SEMA5A: variants seen among roughly 807,000 people sequenced by gnomAD.
The protein encoded by SEMA5A is semaphorin-5A.
A neutral mutation model predicts 135.5 loss-of-function variants in SEMA5A; 55 were observed. That is an observed-to-expected ratio of 0.41 (90% confidence interval 0.33 to 0.51). The LOEUF is 0.51. Among genes scored for constraint, SEMA5A ranks in the 20% least tolerant of loss-of-function variants. The pLI, the probability that SEMA5A is intolerant of heterozygous loss-of-function variation, is 0.37. For missense variants in SEMA5A, 1,290 were observed against 1,419.9 expected, an observed-to-expected ratio of 0.91 and a Z score of 1.47; for synonymous variants, 580 against 546.5, an observed-to-expected ratio of 1.06 and a Z score of -0.85.
At chr5:9,107,351 C>T (rs1051347450) in intron 16 of SEMA5A, among the ~76,000 whole-genome samples, 9 of 150,392 alleles carry the variant, frequency 6.0e-5, no homozygotes, top group African/African-American at 2.2e-4. Context: ...AGAAATATAA[C>T]CTGTAAAGGC....
intron 3 of SEMA5A, among the ~76,000 whole-genome samples, chr5:9,343,977 G>A (rs1176518348): frequency 6.6e-6 from 1 of 152,134 alleles, no homozygotes; most frequent in African/African-American, 2.4e-5. Flanking sequence ...CAGTCCCAAA[G>A]CTTCACACAC....
intron 12 of SEMA5A, among the ~76,000 whole-genome samples, chr5:9,137,669 G>T (rs1465110683): frequency 6.6e-6 from 1 of 152,160 alleles, no homozygotes; most frequent in Admixed American, 6.5e-5. Flanking sequence ...CTTACAGTGA[G>T]GGAGGTCCTG....
At chr5:9,090,066 A>G (rs1738947758) in intron 16 of SEMA5A, among the ~76,000 whole-genome samples, 1 of 152,172 alleles carries the variant, frequency 6.6e-6, no homozygotes, top group Non-Finnish European at 1.5e-5. Context: ...TGATGAATTT[A>G]CTCTGTACAA....
chr5:9,245,254 A>G (rs1236632239), intron 5 of SEMA5A, among the ~76,000 whole-genome samples: 1 of 152,108 alleles, frequency 6.6e-6, no homozygotes, highest in Non-Finnish European at 1.5e-5. Flanking sequence ...TTCCCTGCCT[A>G]TTAGTCACTT....
At chr5:9,501,429 T>G (rs1735593796) in intron 1 of SEMA5A, among the ~76,000 whole-genome samples, 1 of 152,236 alleles carries the variant, frequency 6.6e-6, no homozygotes, top group South Asian at 2.1e-4. Context: ...GTATTAAGTA[T>G]ACATATAAAA....
intron 11 of SEMA5A, among the ~76,000 whole-genome samples, chr5:9,164,528 T>C (rs1325094506): frequency 6.6e-6 from 1 of 152,016 alleles, no homozygotes; most frequent in Non-Finnish European, 1.5e-5. Flanking sequence ...TAGCCTATTA[T>C]TTGTAAATGT....
chr5:9,086,724 A>G (rs1297790041), intron 16 of SEMA5A, among the ~76,000 whole-genome samples: 2 of 152,224 alleles, frequency 1.3e-5, no homozygotes, highest in Non-Finnish European at 2.9e-5. Flanking sequence ...TTTCTCACAA[A>G]AGCAAATATT....
intron 9 of SEMA5A, among the ~76,000 whole-genome samples, chr5:9,198,671 C>T (rs936172266): frequency 1.3e-5 from 2 of 152,144 alleles, no homozygotes; most frequent in African/African-American, 4.8e-5. Context: ...GGGGCGAACA[C>T]CAGCTATGGG....
chr5:9,147,492 G>A (rs1459457963), intron 12 of SEMA5A, among the ~76,000 whole-genome samples: 3 of 151,822 alleles, frequency 2.0e-5, no homozygotes, highest in South Asian at 2.1e-4. Context: ...GGCTAGTCTC[G>A]AACTCCTGAC....
chr5:9,445,962 T>A (rs946293791), intron 1 of SEMA5A, among the ~76,000 whole-genome samples: 1 of 152,200 alleles, frequency 6.6e-6, no homozygotes, highest in Non-Finnish European at 1.5e-5. Context: ...GGAGCCTTCA[T>A]GCCCAGATCC....
intron 12 of SEMA5A, among the ~76,000 whole-genome samples, chr5:9,137,238 G>A (rs886210670): frequency 6.6e-6 from 1 of 152,120 alleles, no homozygotes; most frequent in Non-Finnish European, 1.5e-5. Flanking sequence ...TCAAAAAATA[G>A]GAGCATCTTT....
chr5:9,379,125 C>T (rs1432484554), intron 3 of SEMA5A, among the ~76,000 whole-genome samples: 1 of 151,930 alleles, frequency 6.6e-6, no homozygotes, highest in Non-Finnish European at 1.5e-5. Context: ...GTGTTTGATA[C>T]AAAGTTTTAA....
chr5:9,470,734 T>C (rs1314366520), intron 1 of SEMA5A, among the ~76,000 whole-genome samples: 2 of 152,178 alleles, frequency 1.3e-5, no homozygotes, highest in Non-Finnish European at 2.9e-5. Flanking sequence ...ACTCTCAAGA[T>C]GACAGCCACC....
intron 4 of SEMA5A, among the ~76,000 whole-genome samples, chr5:9,333,230 C>CA (rs1290278166): frequency 6.6e-6 from 1 of 152,144 alleles, no homozygotes; most frequent in Non-Finnish European, 1.5e-5. Flanking sequence ...AGAGTGACTC[C>CA]ACATCTTCCC....
chr5:9,162,490 G>GTGTA (rs769692864), intron 11 of SEMA5A, among the ~76,000 whole-genome samples: 15,944 of 80,176 alleles, frequency 0.2, 1,025 homozygotes, highest in Non-Finnish European at 0.28. Flanking sequence ...GTGTATATAT[G>GTGTA]TATATGTGTA....
At chr5:9,388,469 GAAAAA>G (rs397996757) in intron 2 of SEMA5A, among the ~76,000 whole-genome samples, 1 of 110,502 alleles carries the variant, frequency 9.0e-6, no homozygotes, top group East Asian at 2.5e-4. Flanking sequence ...TCCTTTCTAA[GAAAAA>G]AAAAAAAAAG....
rs544142222 is a variant in SEMA5A, at chr5:9,251,982, A to T, written c.271-14092T>A. On this transcript the variant is annotated intron_variant, in intron 5 of 22. Transcript: ENST00000382496. ...GCTTTTAAATGGATGGCCTGGGATT[A>T]TGAAGTCAGGCCACCCTGGCTGGCT... is the stretch of plus-strand genomic sequence containing the variant. Among the ~76,000 whole-genome samples the T allele has an allele frequency of 2.0e-5, 3 of 152,308 alleles. No individual in the cohort carries two copies. The South Asian group carries it at 6.2e-4, about 32-fold the overall frequency.
In SEMA5A at chr5:9,438,126, T is replaced by C. The variant is rs370708591; in HGVS notation, c.-174-274A>G. On this transcript the variant is annotated intron_variant, in intron 1 of 22. Transcript: ENST00000382496. ...CAGATGAAATAACTCTCATAAAACA[T>C]CCAGAAGAACCATTATTTCAAAATT... Among the ~76,000 whole-genome samples the C allele has an allele frequency of 8.8e-4, 134 of 152,294 alleles. 2 individuals carry two copies. The South Asian group carries it at 0.026, about 29-fold the overall frequency.
rs537614047 is a variant in SEMA5A, at chr5:9,299,440, G to A, written c.270+18932C>T. ...AATCAAGCAAACACCCAGGAGAAAG[G>A]CAAGTTGGGGATGATGAGTTCACAC... On this transcript the variant is annotated intron_variant, in intron 5 of 22. Transcript: ENST00000382496. 2.0e-4 allele frequency among the ~76,000 whole-genome samples: 31 copies of A among 152,296 alleles called. 1 individual carries two copies. The highest frequency in any genetic ancestry group is 1.7e-3 in the South Asian group (8 of 4,824).
Sources: allele counts gnomAD v4.1 joint callset (sites outside exome capture counted in the v4.1 genomes callset), GRCh38; gene constraint gnomAD v4.1.1; transcripts MANE v1.5; gene names NCBI Gene and HGNC (gene_info 2026-07-23, HGNC 2026-07-21).